GLYATL1: variants seen among roughly 807,000 people sequenced by gnomAD.
GLYATL1 encodes glycine-N-acyltransferase like 1.
In GLYATL1, 15 loss-of-function variants were observed where a neutral mutation model predicts 20.0. The observed-to-expected ratio is 0.75, with a 90% CI of 0.50 to 1.15. The LOEUF is 1.15. Ranked by LOEUF, GLYATL1 falls within the 50% of genes most tolerant of loss-of-function variation. The pLI is 0.00. For synonymous variants in GLYATL1, 151 were observed against 131.5 expected, an observed-to-expected ratio of 1.15 and a Z score of -1.01; for missense variants, 380 against 368.5, an observed-to-expected ratio of 1.03 and a Z score of -0.26.
At chr11:58,935,025 G>C (rs1165775264), upstream of GLYATL1, 1 of 152,954 alleles carries the variant, frequency 6.5e-6, no homozygotes, top group African/African-American at 2.4e-5. Context: ...GACTAGAGTT[G>C]CAGGAGCTAG....
chr11:58,940,546 AGATT>A (rs1365933791), intron 1 of GLYATL1, among the ~76,000 whole-genome samples: 1 of 152,264 alleles, frequency 6.6e-6, no homozygotes, highest in Non-Finnish European at 1.5e-5. Context: ...GAGTGCTCAT[AGATT>A]AAGTAAACAA....
At chr11:58,912,700 A>G (rs1855079497), downstream of GLYATL1, among the ~76,000 whole-genome samples, 1 of 152,134 alleles carries the variant, frequency 6.6e-6, no homozygotes, top group South Asian at 2.1e-4. Flanking sequence ...TTCCAATTTG[A>G]CAGAAAACAG....
At chr11:58,905,487 A>T in exon 1 of GLYATL1, 1 of 456,264 alleles carries the variant, frequency 2.2e-6, no homozygotes, top group Non-Finnish European at 4.4e-6. Flanking sequence ...TTCCCCTTGC[A>T]GCTCTCCTCA....
At chr11:58,948,401 G>C (rs1856737934) in intron 4 of GLYATL1, among the ~76,000 whole-genome samples, 1 of 152,158 alleles carries the variant, frequency 6.6e-6, no homozygotes, top group African/African-American at 2.4e-5. Context: ...CATTTTGGGA[G>C]GCCAAGGCAG....
chr11:58,916,876 G>C (rs945146519), intron 1 of GLYATL1: 2 of 152,296 alleles, frequency 1.3e-5, no homozygotes, highest in African/African-American at 4.8e-5. Context: ...GGGCTCGAGA[G>C]CACTGGTTGC....
intron 1 of GLYATL1, among the ~76,000 whole-genome samples, chr11:58,930,752 T>TGAGTA (rs1855568542): frequency 6.6e-6 from 1 of 152,212 alleles, no homozygotes; most frequent in Non-Finnish European, 1.5e-5. Flanking sequence ...GGTATACTAA[T>TGAGTA]GAGTAGGAAA....
chr11:58,926,995 C>T (rs187364942), upstream of GLYATL1, among the ~76,000 whole-genome samples: 4 of 152,308 alleles, frequency 2.6e-5, no homozygotes, highest in African/African-American at 9.6e-5. Flanking sequence ...TGGGTTAAGA[C>T]AGTCATTCAT....
At chr11:58,914,592 C>G (rs1024081130) in intron 1 of GLYATL1, among the ~76,000 whole-genome samples, 5 of 152,152 alleles carry the variant, frequency 3.3e-5, no homozygotes, top group African/African-American at 9.7e-5. Context: ...AAATCCCTCC[C>G]TGGGTGGGGA....
intron 6 of GLYATL1, 68 bp from the exon 7 acceptor site, chr11:58,955,542 T>C (rs1176895706): frequency 6.5e-7 from 1 of 1,526,818 alleles, no homozygotes; most frequent in Non-Finnish European, 8.9e-7. Context: ...GATCTCTAGA[T>C]TGGGATGGCA....
intron 4 of GLYATL1, among the ~76,000 whole-genome samples, chr11:58,950,047 C>T (rs544667846): frequency 1.8e-4 from 26 of 141,078 alleles, no homozygotes; most frequent in Middle Eastern, 7.6e-3. Context: ...TTTGGGAGGC[C>T]GAGGCAGGCG....
At chr11:58,931,084 T>C (rs1855581298) in intron 1 of GLYATL1, among the ~76,000 whole-genome samples, 1 of 152,198 alleles carries the variant, frequency 6.6e-6, no homozygotes, top group African/African-American at 2.4e-5. Context: ...TGAAATGCAT[T>C]ATCTCATCGT....
At chr11:58,923,300 T>C (rs1226869004), upstream of GLYATL1, among the ~76,000 whole-genome samples, 1 of 152,204 alleles carries the variant, frequency 6.6e-6, no homozygotes, top group Non-Finnish European at 1.5e-5. Context: ...CTACGTGCAA[T>C]TGCTTTGAAT....
chr11:58,949,518 T>C (rs745460986), intron 4 of GLYATL1, among the ~76,000 whole-genome samples: 27 of 152,212 alleles, frequency 1.8e-4, no homozygotes, highest in Non-Finnish European at 3.4e-4. Context: ...AATAGTTCCT[T>C]TTACTTCAGT....
chr11:58,922,001 G>T (rs1007223781), intron 1 of GLYATL1, among the ~76,000 whole-genome samples: 2 of 152,190 alleles, frequency 1.3e-5, no homozygotes, highest in Admixed American at 6.5e-5. Context: ...GCAGCTCTGA[G>T]ATTTTCCCCA....
At chr11:58,941,371 C>T (rs1168576235) in intron 1 of GLYATL1, among the ~76,000 whole-genome samples, 2 of 151,944 alleles carry the variant, frequency 1.3e-5, no homozygotes, top group African/African-American at 4.8e-5. Flanking sequence ...GACATGAACT[C>T]GTCATTTTTT....
intron 1 of GLYATL1, chr11:58,942,487 G>T (rs1334992080): frequency 6.6e-6 from 1 of 152,236 alleles, no homozygotes; most frequent in Non-Finnish European, 1.5e-5. Context: ...TGGATGTAAA[G>T]TGGGAGGGGA....
chr11:58,944,591 C>T (rs472554), intron 2 of GLYATL1, among the ~76,000 whole-genome samples: 48,012 of 151,960 alleles, frequency 0.32, 8,290 homozygotes, highest in Non-Finnish European at 0.39. Context: ...CATACTTTCA[C>T]CACCCAAAAA....
chr11:58,909,885 A>G (rs1590764786), downstream of GLYATL1, among the ~76,000 whole-genome samples: 1 of 152,154 alleles, frequency 6.6e-6, no homozygotes, highest in Admixed American at 6.5e-5. Flanking sequence ...GTTTTATACA[A>G]TTTCTTCAAC....
chr11:58,915,969 C>A (rs1012398162), intron 1 of GLYATL1, among the ~76,000 whole-genome samples: 1 of 152,196 alleles, frequency 6.6e-6, no homozygotes, highest in African/African-American at 2.4e-5. Context: ...CACAGGTGGG[C>A]TGCCTGCCTC....
Sources: gnomAD v4.1 joint callset for allele counts (sites outside exome capture counted in the v4.1 genomes callset) on GRCh38, gnomAD v4.1.1 for gene constraint, MANE v1.5 for transcripts, NCBI Gene and HGNC (gene_info 2026-07-23, HGNC 2026-07-21) for gene names.